The following ADGRL3 variants were observed in gnomAD, a reference collection of about 807,000 sequenced individuals.
ADGRL3 encodes the protein adhesion G protein-coupled receptor L3, also known as calcium-independent alpha-latrotoxin receptor 3.
Under a neutral mutation model 153.5 loss-of-function variants are expected in ADGRL3, and 62 were observed. The observed-to-expected ratio is 0.40, with a 90% CI of 0.33 to 0.50. ADGRL3 has a LOEUF of 0.50. ADGRL3 is among the 20% of genes least tolerant of loss of function. ADGRL3 has a pLI of 0.47. For missense variants in ADGRL3, 1,641 were observed against 1,859.4 expected, an observed-to-expected ratio of 0.88 and a Z score of 2.16; for synonymous variants, 710 against 672.5, an observed-to-expected ratio of 1.06 and a Z score of -0.86.
At chr4:61,567,650 T>C (rs2098821820) in intron 4 of ADGRL3, among the ~76,000 whole-genome samples, 1 of 152,158 alleles carries the variant, frequency 6.6e-6, no homozygotes, top group Non-Finnish European at 1.5e-5. Context: ...TTTGTTTTAG[T>C]AGCCCAAAGA....
chr4:61,273,676 G>A (rs752732771), intron 1 of ADGRL3, among the ~76,000 whole-genome samples: 4 of 152,078 alleles, frequency 2.6e-5, no homozygotes, highest in Non-Finnish European at 5.9e-5. Flanking sequence ...ATGTAAGAGT[G>A]GCTTCAGATA....
intron 5 of ADGRL3, among the ~76,000 whole-genome samples, chr4:61,613,622 T>C (rs1341771659): frequency 6.6e-6 from 1 of 152,124 alleles, no homozygotes; most frequent in Non-Finnish European, 1.5e-5. Context: ...TGCACACCTG[T>C]AGTCCCAGCC....
intron 4 of ADGRL3, among the ~76,000 whole-genome samples, chr4:61,530,231 A>G (rs1001982342): frequency 1.3e-5 from 2 of 151,660 alleles, no homozygotes; most frequent in African/African-American, 4.8e-5. Flanking sequence ...ATAGAAGGGT[A>G]GTGAAGAAAA....
At chr4:61,774,458 G>A (rs891817767) in intron 8 of ADGRL3, among the ~76,000 whole-genome samples, 9 of 150,054 alleles carry the variant, frequency 6.0e-5, no homozygotes, top group Non-Finnish European at 1.3e-4. Context: ...AAACAATACA[G>A]TATAACAACT....
intron 9 of ADGRL3, among the ~76,000 whole-genome samples, chr4:61,888,885 G>A (rs985864852): frequency 7.9e-5 from 12 of 152,102 alleles, no homozygotes; most frequent in Admixed American, 3.9e-4. Context: ...TTGGGGGAGA[G>A]GGAGCTTTAT....
rs758149971 is a variant in ADGRL3 at position 61,892,791 on chromosome 4, C to T, written c.1616C>T (p.Ser539Phe). 6.2e-7 allele frequency: 1 copy of T among 1,613,888 alleles called. No individual in the cohort carries two copies. The highest frequency in any genetic ancestry group is 8.5e-7 in the Non-Finnish European group (1 of 1,179,848). ...AGAAACCGGAGTACTAGTACCCCATCTCCAGCTGTCGAGGTACTTGATGAC... is the reference window on the plus strand; with the variant it reads ...AGAAACCGGAGTACTAGTACCCCATTTCCAGCTGTCGAGGTACTTGATGAC... ...GRRNRSTSTP[S>F]PAVEVLDDMT... Residue 539 changes from serine to phenylalanine, a missense_variant, in exon 10 of 27, where the codon TCT becomes TTT. Ser to Phe is a radical substitution (Grantham distance 155). Around this residue, in one of 5 missense-constraint regions of ADGRL3, gnomAD observed 734 missense variants for 797.0 expected, o/e 0.92. Transcript: ENST00000683033.
chr4:61,682,105 T>C lies in ADGRL3; in HGVS notation c.583+5170T>C, dbSNP rs1453629098. Among the ~76,000 whole-genome samples, 3 of 152,028 alleles carry C rather than the reference T, an allele frequency of 2.0e-5. No homozygotes were observed. In the South Asian group the frequency reaches 6.2e-4, roughly 31 times the overall value. ...AAAGAAAGATCTATTTTTAAAAATA[T>C]ACATTATATAAATTTCAGTTTCTCC... On this transcript the variant is annotated intron_variant, in intron 6 of 26. Coordinates refer to ENST00000683033, the MANE Select transcript of ADGRL3 (RefSeq NM_001387552.1).
chr4:61,336,702 C>T lies in ADGRL3; in HGVS notation c.-239-46422C>T, dbSNP rs1047144654. ...GGATAACTGCCCTTTGTGTAATAAT[C>T]TGCCAACATTCATGGTGGGTACATT... On this transcript the variant is annotated intron_variant, in intron 1 of 26. Coordinates refer to ENST00000683033, the MANE Select transcript of ADGRL3 (RefSeq NM_001387552.1). Among the ~76,000 whole-genome samples, 17 of 152,002 alleles carry T rather than the reference C, an allele frequency of 1.1e-4. 1 individual carries two copies. The highest frequency in any genetic ancestry group is 4.1e-4 in the South Asian group (2 of 4,820).
chr4:61,601,660 T>C (rs1359261837), intron 5 of ADGRL3, among the ~76,000 whole-genome samples: 1 of 152,166 alleles, frequency 6.6e-6, no homozygotes, highest in Non-Finnish European at 1.5e-5. Context: ...CTCATAAATA[T>C]TGCAAGTTTA....
intron 1 of ADGRL3, among the ~76,000 whole-genome samples, chr4:61,363,436 G>T (rs2096329837): frequency 6.6e-6 from 1 of 150,568 alleles, no homozygotes; most frequent in Non-Finnish European, 1.5e-5. Context: ...TGCTTCTTTT[G>T]AAATGGCTAG....
chr4:61,856,206 A>AAAAT (rs2098262003), intron 9 of ADGRL3, among the ~76,000 whole-genome samples: 1 of 152,152 alleles, frequency 6.6e-6, no homozygotes. Context: ...CACCTCTACA[A>AAAAT]AAATAAATAA....
chr4:61,350,732 C>T (rs762035364), intron 1 of ADGRL3, among the ~76,000 whole-genome samples: 2 of 152,092 alleles, frequency 1.3e-5, no homozygotes, highest in Non-Finnish European at 2.9e-5. Flanking sequence ...TACTCTGGGG[C>T]ATGATGAGCT....
chr4:61,345,799 T>C (rs1308112387), intron 1 of ADGRL3, among the ~76,000 whole-genome samples: 2 of 152,218 alleles, frequency 1.3e-5, no homozygotes, highest in African/African-American at 4.8e-5. Context: ...GACAATTATT[T>C]AGTAGCAAAA....
chr4:61,372,407 T>C (rs886106021), intron 1 of ADGRL3, among the ~76,000 whole-genome samples: 4 of 151,918 alleles, frequency 2.6e-5, no homozygotes, highest in African/African-American at 9.6e-5. Flanking sequence ...GATGGGTTTT[T>C]GGTGTGGATG....
chr4:61,929,511 T>C (rs894152692), intron 13 of ADGRL3, among the ~76,000 whole-genome samples: 2 of 152,198 alleles, frequency 1.3e-5, no homozygotes, highest in African/African-American at 4.8e-5. Context: ...CTCATCAAAC[T>C]AATAACTTCA....
chr4:61,990,674 G>A (rs1446968853), intron 19 of ADGRL3, among the ~76,000 whole-genome samples: 4 of 151,854 alleles, frequency 2.6e-5, no homozygotes, highest in African/African-American at 9.7e-5. Context: ...TCAGTAATCT[G>A]TGCATTATAT....
At chr4:61,767,784 C>T (rs903713658) in intron 8 of ADGRL3, among the ~76,000 whole-genome samples, 21 of 152,204 alleles carry the variant, frequency 1.4e-4, no homozygotes, top group East Asian at 3.9e-4. Flanking sequence ...TCTGGAGGAA[C>T]GCCTGGCTGC....
chr4:61,272,443 C>A (rs561959570), intron 1 of ADGRL3, among the ~76,000 whole-genome samples: 33 of 152,054 alleles, frequency 2.2e-4, no homozygotes, highest in African/African-American at 7.7e-4. Context: ...TTATATAAAT[C>A]TAATGTCTAT....
chr4:61,404,502 A>G (rs1362704164), intron 2 of ADGRL3, among the ~76,000 whole-genome samples: 3 of 152,058 alleles, frequency 2.0e-5, no homozygotes, highest in African/African-American at 7.2e-5. Context: ...TTGAACTTCA[A>G]ACGGTTTACC....
Sources: gnomAD v4.1 joint callset for allele counts (sites outside exome capture counted in the v4.1 genomes callset) on GRCh38, gnomAD v4.1.1 for gene constraint, gnomAD v4.1.1 regional missense constraint, MANE v1.5 for transcripts, NCBI Gene and HGNC (gene_info 2026-07-23, HGNC 2026-07-21) for gene names.